Variants in PARD3 observed in about 807,000 individuals in gnomAD.
PARD3 encodes par-3 family cell polarity regulator.
PARD3 carries 75 observed loss-of-function variants against 155.4 expected under a neutral mutation model. The ratio of observed to expected loss-of-function variants is 0.48; its 90% CI spans 0.40 to 0.58. The LOEUF (loss-of-function observed/expected upper bound fraction) is 0.58, where lower values mean the gene tolerates loss of function less well. PARD3 is among the 20% of genes least tolerant of loss of function. PARD3 has a pLI of 0.00. For synonymous variants in PARD3, 576 were observed against 610.5 expected (o/e 0.94, Z 0.83); for missense variants, 1,642 against 1,721.7 (o/e 0.95, Z 0.82).
chr10:34,194,469 A>T (rs1351863746), intron 22 of PARD3, among the ~76,000 whole-genome samples: 1 of 152,132 alleles, frequency 6.6e-6, no homozygotes, highest in African/African-American at 2.4e-5. Flanking sequence ...GAAAGCAAAA[A>T]ACAGATGCTG....
intron 20 of PARD3, among the ~76,000 whole-genome samples, chr10:34,297,883 G>C (rs1956980333): frequency 6.6e-6 from 1 of 152,220 alleles, no homozygotes; most frequent in Non-Finnish European, 1.5e-5. Flanking sequence ...ACCTATTCGG[G>C]ATTTAAACTA....
At chr10:34,474,322 G>A (rs942374445) in intron 3 of PARD3, among the ~76,000 whole-genome samples, 4 of 152,116 alleles carry the variant, frequency 2.6e-5, no homozygotes, top group African/African-American at 9.7e-5. Flanking sequence ...AGACCCCGGG[G>A]CAGGTATAGG....
intron 2 of PARD3, among the ~76,000 whole-genome samples, chr10:34,691,000 C>T (rs1283659056): frequency 6.6e-6 from 1 of 152,108 alleles, no homozygotes; most frequent in Non-Finnish European, 1.5e-5. Context: ...AGCACTTGAG[C>T]CCACGAGTTT....
At chr10:34,697,249 T>C (rs1263979517) in intron 1 of PARD3, among the ~76,000 whole-genome samples, 1 of 152,208 alleles carries the variant, frequency 6.6e-6, no homozygotes, top group Non-Finnish European at 1.5e-5. Context: ...TACGTACATA[T>C]TCAGATGAAA....
chr10:34,413,810 T>C (rs1038819799), intron 5 of PARD3, among the ~76,000 whole-genome samples: 5 of 152,200 alleles, frequency 3.3e-5, no homozygotes, highest in Admixed American at 1.3e-4. Flanking sequence ...AAACGTTCTT[T>C]AGAGTAGCAA....
chr10:34,542,222 T>TGG (rs2083669409), intron 2 of PARD3, among the ~76,000 whole-genome samples: 1 of 4,126 alleles, frequency 2.4e-4, no homozygotes. Context: ...TGTGTGTGTG[T>TGG]GTGTGTGTGT....
At chr10:34,309,113 C>T (rs1249350288) in intron 20 of PARD3, among the ~76,000 whole-genome samples, 1 of 151,900 alleles carries the variant, frequency 6.6e-6, no homozygotes, top group African/African-American at 2.4e-5. Context: ...AAGAGAGAAT[C>T]GGAAAAAAGA....
chr10:34,640,474 G>T (rs368988457), intron 2 of PARD3, among the ~76,000 whole-genome samples: 4 of 151,824 alleles, frequency 2.6e-5, no homozygotes, highest in African/African-American at 9.7e-5. Flanking sequence ...AAAATTAGCT[G>T]GGCGTGGTGG....
chr10:34,435,817 G>A (rs2076159893), intron 5 of PARD3, among the ~76,000 whole-genome samples: 1 of 152,182 alleles, frequency 6.6e-6, no homozygotes, highest in Non-Finnish European at 1.5e-5. Context: ...AAACACTATT[G>A]ATTCTGTTCA....
chr10:34,190,941 G>C (rs1950679984), intron 22 of PARD3, among the ~76,000 whole-genome samples: 1 of 152,072 alleles, frequency 6.6e-6, no homozygotes, highest in Admixed American at 6.5e-5. Flanking sequence ...CTGGTGTGTG[G>C]AATGCGGGGA....
intron 1 of PARD3, among the ~76,000 whole-genome samples, chr10:34,754,057 C>T (rs12245540): frequency 0.024 from 3,594 of 151,988 alleles, 143 homozygotes; most frequent in African/African-American, 0.083. Flanking sequence ...CCTTGTTGCC[C>T]AGGCTGGAGG....
At chr10:34,701,021 A>T (rs1435700553) in intron 1 of PARD3, among the ~76,000 whole-genome samples, 1 of 152,100 alleles carries the variant, frequency 6.6e-6, no homozygotes, top group African/African-American at 2.4e-5. Flanking sequence ...CATAAAAAAG[A>T]GGTAGACCAC....
intron 22 of PARD3, among the ~76,000 whole-genome samples, chr10:34,257,040 T>C (rs1954688226): frequency 6.6e-6 from 1 of 152,176 alleles, no homozygotes; most frequent in African/African-American, 2.4e-5. Flanking sequence ...CTCCTTTAGT[T>C]ACACAAAATC....
chr10:34,191,395 T>C (rs2133265031), intron 22 of PARD3, among the ~76,000 whole-genome samples: 1 of 152,016 alleles, frequency 6.6e-6, no homozygotes, highest in African/African-American at 2.4e-5. Flanking sequence ...ACCCAACCAG[T>C]CACTGGCTGA....
chr10:34,785,569 G>T (rs1168940398), intron 1 of PARD3, among the ~76,000 whole-genome samples: 1 of 152,026 alleles, frequency 6.6e-6, no homozygotes, highest in African/African-American at 2.4e-5. Flanking sequence ...AACACGGCGA[G>T]ACCATGTCTA....
At chr10:34,152,957 T>C (rs1434650485) in intron 22 of PARD3, among the ~76,000 whole-genome samples, 1 of 152,096 alleles carries the variant, frequency 6.6e-6, no homozygotes, top group African/African-American at 2.4e-5. Flanking sequence ...CCCAGAGAGA[T>C]CCAGTGACAT....
chr10:34,624,794 G>A (rs2091896785), intron 2 of PARD3, among the ~76,000 whole-genome samples: 1 of 152,210 alleles, frequency 6.6e-6, no homozygotes, highest in African/African-American at 2.4e-5. Context: ...GGCTGTCGGG[G>A]CTGCGTCCTC....
chr10:34,132,108 G>A (rs1947644609), intron 22 of PARD3, among the ~76,000 whole-genome samples: 1 of 152,140 alleles, frequency 6.6e-6, no homozygotes, highest in Non-Finnish European at 1.5e-5. Flanking sequence ...TTCATAATAC[G>A]AGGTTCCTAT....
intron 14 of PARD3, among the ~76,000 whole-genome samples, chr10:34,348,342 C>T (rs1354911096): frequency 6.6e-6 from 1 of 152,172 alleles, no homozygotes; most frequent in Non-Finnish European, 1.5e-5. Context: ...CAGATTTCAA[C>T]CGCTGGAGGA....
Sources: allele counts gnomAD v4.1 joint callset (sites outside exome capture counted in the v4.1 genomes callset), GRCh38; gene constraint gnomAD v4.1.1; transcripts MANE v1.5; gene names NCBI Gene and HGNC (gene_info 2026-07-23, HGNC 2026-07-21).